ODF2L: variants seen among roughly 807,000 people sequenced by gnomAD.
ODF2L encodes protein BCAP.
In ODF2L, 76 loss-of-function variants were observed where a neutral mutation model predicts 86.3. The ratio of observed to expected loss-of-function variants is 0.88; its 90% confidence interval spans 0.73 to 1.07. The LOEUF is 1.07. Among genes scored for constraint, ODF2L ranks in the 50% least tolerant of loss-of-function variants. The probability of loss-of-function intolerance (pLI) is 0.00; values close to 1 mark genes in which losing one functional copy is unlikely to be tolerated. For synonymous variants in ODF2L, 241 were observed against 231.3 expected (o/e 1.04, Z -0.38); for missense variants, 748 against 717.4 (o/e 1.04, Z -0.49).
In ODF2L at chr1:86,377,275, C is replaced by T. The variant is rs79638845; in HGVS notation, c.625-857G>A. Among the ~76,000 whole-genome samples the T allele has an allele frequency of 3.1e-3, 471 of 152,308 alleles. 2 individuals are homozygous for T. Among genetic ancestry groups the T allele is most frequent in the Non-Finnish European group, 4.8e-3 (324 of 68,032 alleles). ...TGCTGATGCAAGGAGTGGGCTCCCA[C>T]GGTCTTTGGCAGCTCCAGCCTTATG... On this transcript the variant is annotated intron_variant, in intron 7 of 17. Coordinates refer to ENST00000317336, the Ensembl canonical transcript of ODF2L.
intron 1 of ODF2L, among the ~76,000 whole-genome samples, chr1:86,394,441 A>C (rs961716382): frequency 1.3e-5 from 2 of 152,086 alleles, no homozygotes; most frequent in African/African-American, 4.8e-5. Context: ...GAGATACTAA[A>C]ACATAAATAT....
intron 11 of ODF2L, among the ~76,000 whole-genome samples, chr1:86,363,951 A>C (rs1040631417): frequency 1.3e-5 from 2 of 152,222 alleles, no homozygotes; most frequent in African/African-American, 4.8e-5. Context: ...AATAAAACAC[A>C]AACATCTAGG....
chr1:86,358,937 C>T, intron 12 of ODF2L, 46 bp from the exon 12 acceptor site: 3 of 913,134 alleles, frequency 3.3e-6, no homozygotes, highest in Non-Finnish European at 4.9e-6. Flanking sequence ...AGAATCATAA[C>T]ATGAGATAAA....
At chr1:86,374,169 G>A (rs983729666) in intron 8 of ODF2L, among the ~76,000 whole-genome samples, 5 of 152,104 alleles carry the variant, frequency 3.3e-5, no homozygotes, top group African/African-American at 1.2e-4. Flanking sequence ...TACTGAGCAT[G>A]TATTACGTGC....
At chr1:86,352,805 G>GT in intron 17 of ODF2L, 54 bp downstream of exon 16, 2 of 1,098,618 alleles carry the variant, frequency 1.8e-6, no homozygotes, top group Non-Finnish European at 2.6e-6. Flanking sequence ...TTTCTACATG[G>GT]TAAGAATGTT....
At chr1:86,376,121 AT>A in intron 8 of ODF2L, 111 bp downstream of exon 8, 1 of 542,592 alleles carries the variant, frequency 1.8e-6, no homozygotes, top group Non-Finnish European at 3.1e-6. Context: ...TTTTTCTGGT[AT>A]TAACAGCATT....
intron 11 of ODF2L, among the ~76,000 whole-genome samples, chr1:86,366,625 T>G (rs1659462381): frequency 6.8e-6 from 1 of 146,814 alleles, no homozygotes. Context: ...AAGTGCCAAT[T>G]GGAAACAATA....
Position 86,372,539 on chromosome 1 carries a change from T to A in ODF2L, c.812A>T (p.Glu271Val), listed in dbSNP as rs771961549. 87 of 1,465,974 alleles carry A rather than the reference T, an allele frequency of 5.9e-5. No homozygotes were observed. The highest frequency in any genetic ancestry group is 7.6e-5 in the Non-Finnish European group (84 of 1,099,726). 90.8% of individuals were successfully genotyped at this position (1,465,974 alleles called of 1,614,324 possible). A position where few individuals can be genotyped will look rare whatever the true frequency, so the allele number is the denominator to read the frequency against. The change falls in exon 9 of 18, where the codon GAA (glutamate) becomes GTA (valine). Residue 271 changes from glutamate to valine, a missense_variant and splice_region_variant. Transcript: ENST00000317336. Reference sequence around the variant, plus strand: ...TGAAATTGTTTCAGACAACTTGGCTTCCTAAAAAATACATAAAAGTATTCA... The same window carrying A: ...TGAAATTGTTTCAGACAACTTGGCTACCTAAAAAATACATAAAAGTATTCA...
chr1:86,356,025 A>G, intron 14 of ODF2L: 1 of 238,028 alleles, frequency 4.2e-6, no homozygotes. Flanking sequence ...TATAAAAAGT[A>G]AAACAGGAAA....
At chr1:86,366,882 A>G (rs1659480421) in intron 11 of ODF2L, among the ~76,000 whole-genome samples, 1 of 152,116 alleles carries the variant, frequency 6.6e-6, no homozygotes, top group East Asian at 1.9e-4. Flanking sequence ...AGACAGAGAG[A>G]CTGGAGAAAA....
rs1471389317 is a variant in ODF2L, at chr1:86,366,427, CACACACAT to C, written c.1143+2201_1143+2208del. Among the ~76,000 whole-genome samples the C allele has an allele frequency of 3.4e-3, 489 of 142,962 alleles. 3 individuals carry two copies. Among genetic ancestry groups the C allele is most frequent in the East Asian group, 4.6e-3 (22 of 4,808 alleles). 93.8% of individuals were successfully genotyped at this position (142,962 alleles called of 152,430 possible). On this transcript the variant is annotated intron_variant, in intron 11 of 17. Transcript: ENST00000317336. ...ACACACACACACACACACACACACA[CACACACAT>C]ACACATACACATACACACACATTCA...
At chr1:86,361,650 T>C (rs188234357) in intron 11 of ODF2L, among the ~76,000 whole-genome samples, 1 of 152,340 alleles carries the variant, frequency 6.6e-6, no homozygotes, top group Non-Finnish European at 1.5e-5. Context: ...ACAAATTTGA[T>C]GTCTTGTCAA....
intron 2 of ODF2L, chr1:86,386,575 A>C (rs1660967504): frequency 4.8e-6 from 1 of 207,152 alleles, no homozygotes; most frequent in Non-Finnish European, 9.5e-6. Context: ...TTCAGTAGAG[A>C]TGGGGTTTCA....
At chr1:86,352,968 T>G in exon 17 of ODF2L, 1 of 1,521,134 alleles carries the variant, frequency 6.6e-7, no homozygotes, top group Non-Finnish European at 9.0e-7. Context: ...TGACATTTTC[T>G]CTATTTCTTC....
Position 86,360,208 on chromosome 1 carries a change from T to C in ODF2L, c.1254+218A>G, listed in dbSNP as rs983370626. Among the ~76,000 whole-genome samples the C allele has an allele frequency of 2.0e-5, 3 of 152,162 alleles. No homozygotes were observed. In the East Asian group the frequency reaches 5.8e-4, roughly 29 times the overall value. Reference sequence around the variant, plus strand: ...TTCATTTTAAATCTACTTTTAGGAATATCCAGTATATCCATATGCAGTGTT... The same window carrying C: ...TTCATTTTAAATCTACTTTTAGGAACATCCAGTATATCCATATGCAGTGTT... On this transcript the variant is annotated intron_variant, in intron 12 of 17. Transcript: ENST00000317336.
chr1:86,379,644 A>C (rs1484831129), intron 7 of ODF2L, among the ~76,000 whole-genome samples: 2 of 152,204 alleles, frequency 1.3e-5, no homozygotes, highest in Admixed American at 6.5e-5. Flanking sequence ...TAGACGAGAT[A>C]AACAGATTTT....
In ODF2L at chr1:86,358,857, T is replaced by C. The variant is rs777669295; in HGVS notation, c.1289A>G (p.Lys430Arg). 6 of 1,552,482 alleles carry C rather than the reference T, an allele frequency of 3.9e-6. No individual in the cohort carries two copies. Among genetic ancestry groups the C allele is most frequent in the Non-Finnish European group, 3.5e-6 (4 of 1,148,214 alleles). The change falls in exon 13 of 18, where the codon AAA becomes AGA. Residue 430 changes from lysine to arginine, a missense_variant. Physicochemically the swap from Lys to Arg is conservative, Grantham distance 26 (BLOSUM62 2). Transcript: ENST00000317336. ...ATGTAGCAAATTTTCACATCTGCTT[T>C]TTACTATTTCAGCTGCTTCTTGCAA...
chr1:86,367,295 T>C (rs1413852724), intron 11 of ODF2L, among the ~76,000 whole-genome samples: 1 of 152,192 alleles, frequency 6.6e-6, no homozygotes, highest in Non-Finnish European at 1.5e-5. Context: ...ATTTTAATGT[T>C]TACTTCTAAT....
intron 7 of ODF2L, among the ~76,000 whole-genome samples, chr1:86,378,849 CTA>C (rs1298844369): frequency 1.3e-5 from 2 of 151,626 alleles, no homozygotes. Flanking sequence ...CACAGCCAAA[CTA>C]TATAGGTTTG....
Sources: gnomAD v4.1 joint callset for allele counts (sites outside exome capture counted in the v4.1 genomes callset) on GRCh38, gnomAD v4.1.1 for gene constraint, MANE v1.5 for transcripts, NCBI Gene and HGNC (gene_info 2026-07-23, HGNC 2026-07-21) for gene names.